Variants in ADGRV1 observed in about 807,000 individuals in gnomAD.
The protein encoded by ADGRV1 is G-protein coupled receptor 98.
In ADGRV1, 359 loss-of-function variants were observed where a neutral mutation model predicts 596.2. The observed-to-expected ratio is 0.60, with a 90% CI of 0.55 to 0.66. The LOEUF (loss-of-function observed/expected upper bound fraction) is 0.66, where lower values mean the gene tolerates loss of function less well. Among genes scored for constraint, ADGRV1 ranks in the 30% least tolerant of loss-of-function variants. The probability of loss-of-function intolerance (pLI) is 0.00; values close to 1 mark genes in which losing one functional copy is unlikely to be tolerated. For synonymous variants in ADGRV1, 2,681 were observed against 2,679.2 expected, an observed-to-expected ratio of 1.00 and a Z score of -0.02; for missense variants, 7,274 against 7,575.6, an observed-to-expected ratio of 0.96 and a Z score of 1.48.
chr5:90,774,431 T>C (rs1490385067), intron 60 of ADGRV1, 128 bp downstream of exon 60: 1 of 604,444 alleles, frequency 1.7e-6, no homozygotes, highest in Non-Finnish European at 2.9e-6. Flanking sequence ...AGATACCATT[T>C]TCCACATGTA....
intron 87 of ADGRV1, among the ~76,000 whole-genome samples, chr5:91,114,799 C>G (rs1299147694): frequency 6.6e-6 from 1 of 152,134 alleles, no homozygotes; most frequent in Non-Finnish European, 1.5e-5. Context: ...TGCTTAGTCC[C>G]CATAGCCTTT....
Position 90,721,077 on chromosome 5 carries a change from T to A in ADGRV1, c.9748+18T>A. ...TGGCATGAGTATGTTTCATTTCTTA[T>A]GAGAACAAAATTCTGTAACGAAAAA... On this transcript the variant is annotated intron_variant, in intron 45 of 89. Coordinates refer to ENST00000405460, the MANE Select transcript of ADGRV1 (RefSeq NM_032119.4). 2 of 1,604,786 alleles carry A rather than the reference T, an allele frequency of 1.2e-6. No individual in the cohort carries two copies. The highest frequency in any genetic ancestry group is 1.7e-6 in the Non-Finnish European group (2 of 1,175,474).
chr5:90,834,980 TC>T (rs1436662798), intron 77 of ADGRV1, among the ~76,000 whole-genome samples: 2 of 151,806 alleles, frequency 1.3e-5, no homozygotes, highest in Admixed American at 1.3e-4. Context: ...TTCCTTTCTT[TC>T]CTTCTTTCTT....
At chr5:90,722,660 A>G (rs1751214360) in intron 45 of ADGRV1, among the ~76,000 whole-genome samples, 1 of 128,724 alleles carries the variant, frequency 7.8e-6, no homozygotes, top group East Asian at 2.7e-4. Flanking sequence ...GGATGCCGTG[A>G]GCCGAGATCG....
At chr5:90,623,974 G>GATTATAT (rs138779419) in intron 5 of ADGRV1, among the ~76,000 whole-genome samples, 1,891 of 152,234 alleles carry the variant, frequency 0.012, 39 homozygotes, top group African/African-American at 0.043. Context: ...TCCACAACAT[G>GATTATAT]ATTATATACT....
chr5:90,703,083 A>G (rs919135436), intron 34 of ADGRV1, among the ~76,000 whole-genome samples: 42 of 152,052 alleles, frequency 2.8e-4, no homozygotes, highest in African/African-American at 7.7e-4. Flanking sequence ...TCCATTATCC[A>G]GGAAGGATAA....
chr5:90,624,169 T>A (rs1047954412), intron 5 of ADGRV1, among the ~76,000 whole-genome samples: 1 of 152,162 alleles, frequency 6.6e-6, no homozygotes, highest in African/African-American at 2.4e-5. Context: ...GAACATAGAA[T>A]AGCAGAAGAC....
intron 26 of ADGRV1, among the ~76,000 whole-genome samples, chr5:90,680,290 A>G (rs1035119770): frequency 6.6e-6 from 1 of 151,872 alleles, no homozygotes; most frequent in Non-Finnish European, 1.5e-5. Flanking sequence ...CAGGAGGCGG[A>G]GGTTGAGTGA....
chr5:90,891,699 CCTTT>C (rs1286492140), intron 83 of ADGRV1, among the ~76,000 whole-genome samples: 1 of 151,600 alleles, frequency 6.6e-6, no homozygotes, highest in African/African-American at 2.4e-5. Flanking sequence ...ATAAAAAGTT[CCTTT>C]CTTTTCACTT....
intron 77 of ADGRV1, among the ~76,000 whole-genome samples, chr5:90,835,045 A>G (rs1398168937): frequency 6.9e-6 from 1 of 145,746 alleles, no homozygotes; most frequent in East Asian, 2.0e-4. Context: ...GTCTTCTTCA[A>G]TTGTTTTGCG....
chr5:90,568,312 G>A (rs1012963253), intron 1 of ADGRV1, among the ~76,000 whole-genome samples: 2 of 151,740 alleles, frequency 1.3e-5, no homozygotes, highest in Non-Finnish European at 2.9e-5. Flanking sequence ...GGTATGCTCT[G>A]ATTTTATTTT....
chr5:91,058,235 T>C (rs867091855), intron 85 of ADGRV1, among the ~76,000 whole-genome samples: 53 of 152,150 alleles, frequency 3.5e-4, no homozygotes, highest in African/African-American at 1.3e-3. Flanking sequence ...GAGGGTGGCA[T>C]GACCTCTACT....
intron 68 of ADGRV1, among the ~76,000 whole-genome samples, chr5:90,789,037 G>A (rs1347109291): frequency 2.6e-5 from 4 of 152,156 alleles, no homozygotes; most frequent in Non-Finnish European, 5.9e-5. Context: ...GTTTTGTGGA[G>A]CAGAGCAGTT....
At chr5:90,951,532 A>G (rs1347052037) in intron 83 of ADGRV1, among the ~76,000 whole-genome samples, 12 of 152,144 alleles carry the variant, frequency 7.9e-5, no homozygotes, top group Non-Finnish European at 1.6e-4. Context: ...CATTTTACTT[A>G]CATTAATGCA....
chr5:91,017,680 A>G (rs1042171497), intron 85 of ADGRV1, among the ~76,000 whole-genome samples: 4 of 151,938 alleles, frequency 2.6e-5, no homozygotes, highest in Non-Finnish European at 4.4e-5. Flanking sequence ...GTACAAATGT[A>G]TGTATGCCCT....
chr5:91,156,725 T>C (rs1426748030), intron 89 of ADGRV1, among the ~76,000 whole-genome samples: 1 of 152,196 alleles, frequency 6.6e-6, no homozygotes, highest in East Asian at 1.9e-4. Context: ...CAATCTCTAA[T>C]ACTTGGTTCC....
intron 85 of ADGRV1, among the ~76,000 whole-genome samples, chr5:91,008,747 C>T (rs1282463397): frequency 6.6e-6 from 1 of 151,998 alleles, no homozygotes; most frequent in African/African-American, 2.4e-5. Context: ...GATATCCTTC[C>T]GTCTCGGTCA....
intron 86 of ADGRV1, among the ~76,000 whole-genome samples, chr5:91,101,885 T>C (rs1403267951): frequency 6.6e-6 from 1 of 152,218 alleles, no homozygotes; most frequent in East Asian, 1.9e-4. Context: ...CACTACTGCC[T>C]GCCATTTTCT....
Position 90,644,866 on chromosome 5 carries a change from T to A in ADGRV1, c.2895T>A (p.Asp965Glu). Residue 965 changes from aspartate (D) to glutamate (E), a missense_variant, in exon 15 of 90, where the codon GAT becomes GAA. By Grantham distance (45) the Asp-to-Glu change is conservative. Transcript: ENST00000405460. ...SKNITIYSLP[D>E]EIPEEMEEFT... ...ATATCACCATTTACTCCCTTCCAGA[T>A]GAGGTAAATATTGCATATAACTTTC... is the stretch of plus-strand genomic sequence containing the variant. The A allele has an allele frequency of 6.3e-7, 1 of 1,590,820 alleles. No homozygotes were observed. Among genetic ancestry groups the A allele is most frequent in the Non-Finnish European group, 8.5e-7 (1 of 1,170,312 alleles).
Sources: allele counts gnomAD v4.1 joint callset (sites outside exome capture counted in the v4.1 genomes callset), GRCh38; gene constraint gnomAD v4.1.1; transcripts MANE v1.5; gene names NCBI Gene and HGNC (gene_info 2026-07-23, HGNC 2026-07-21).